The following CREM variants were observed in gnomAD, a reference collection of about 807,000 sequenced individuals.
The protein encoded by CREM is cAMP-responsive element modulator.
CREM carries 13 observed loss-of-function variants against 37.3 expected under a neutral mutation model. The ratio of observed to expected loss-of-function variants is 0.35; its 90% CI spans 0.23 to 0.55. The LOEUF (loss-of-function observed/expected upper bound fraction) is 0.55, where lower values mean the gene tolerates loss of function less well. Among genes scored for constraint, CREM ranks in the 20% least tolerant of loss-of-function variants. The pLI, the probability that CREM is intolerant of heterozygous loss-of-function variation, is 0.88. For synonymous variants in CREM, 124 were observed against 120.2 expected (o/e 1.03, Z -0.21); for missense variants, 296 against 362.3 (o/e 0.82, Z 1.49).
chr10:35,157,424 A>G (rs2092985464), intron 3 of CREM, among the ~76,000 whole-genome samples: 1 of 152,088 alleles, frequency 6.6e-6, no homozygotes, highest in Non-Finnish European at 1.5e-5. Flanking sequence ...GGAGCCCAAG[A>G]GTTAAGAGAC....
chr10:35,201,707 C>T (rs906870190), intron 6 of CREM, among the ~76,000 whole-genome samples: 1 of 151,788 alleles, frequency 6.6e-6, no homozygotes, highest in Non-Finnish European at 1.5e-5. Context: ...AACGCCTTTG[C>T]TTTTAAAATG....
intron 3 of CREM, among the ~76,000 whole-genome samples, chr10:35,178,557 G>T (rs2094203618): frequency 6.6e-6 from 1 of 152,306 alleles, no homozygotes; most frequent in Non-Finnish European, 1.5e-5. Flanking sequence ...GCACTTTCAG[G>T]TTGAGGAGCT....
At chr10:35,191,874 G>T (rs2094932070) in intron 6 of CREM, among the ~76,000 whole-genome samples, 1 of 152,148 alleles carries the variant, frequency 6.6e-6, no homozygotes, top group Non-Finnish European at 1.5e-5. Flanking sequence ...TTCCTTAGAT[G>T]GCCACACATA....
rs897884060 is a variant in CREM, at chr10:35,158,825, T to G, written c.168+10334T>G. Among the ~76,000 whole-genome samples the G allele has an allele frequency of 5.6e-4, 83 of 148,442 alleles. 2 individuals carry two copies. The highest frequency in any genetic ancestry group is 1.5e-3 in the South Asian group (7 of 4,714). ...TTTTTTTTTGTTGTTTTGTTTGTTT[T>G]TTTTTTTTTTTTACAGACTTAGAAC... On this transcript the variant is annotated intron_variant, in intron 3 of 7. Transcript: ENST00000685392.
intron 5 of CREM, among the ~76,000 whole-genome samples, chr10:35,186,702 CAT>C (rs1253892639): frequency 7.5e-6 from 1 of 133,924 alleles, no homozygotes; most frequent in African/African-American, 2.8e-5. Flanking sequence ...AAATTTTGGT[CAT>C]ATATACAACA....
chr10:35,135,522 G>A (rs34876468), intron 1 of CREM: 44,417 of 151,826 alleles, frequency 0.29, 7,048 homozygotes, highest in South Asian at 0.35. Context: ...AAAAAAGAAA[G>A]TTGGTAGATT....
At chr10:35,175,498 A>C in intron 3 of CREM, 1 of 598,778 alleles carries the variant, frequency 1.7e-6, no homozygotes. Context: ...TGAAGAAGTT[A>C]GAGGGTAGTT....
intron 3 of CREM, among the ~76,000 whole-genome samples, chr10:35,175,071 CTG>C (rs1308261052): frequency 1.3e-5 from 2 of 152,218 alleles, no homozygotes; most frequent in Non-Finnish European, 2.9e-5. Flanking sequence ...ATAACAGTGA[CTG>C]TGATTTTTAT....
rs184303254 is a variant in CREM, at chr10:35,178,775, T to C, written c.169-114T>C. On this transcript the variant is annotated intron_variant, in intron 3 of 7. Coordinates refer to ENST00000685392, the MANE Select transcript of CREM (RefSeq NM_183011.2). The stretch of plus-strand genomic sequence containing the variant: ...GATTCACTGTGTTCTATTGCTCAGT[T>C]GCTTCCACAGCTCCTGGCTCAGTGC... 1,066 of 718,154 alleles carry C rather than the reference T, an allele frequency of 1.5e-3. 1 individual carries two copies. Among genetic ancestry groups the C allele is most frequent in the Non-Finnish European group, 2.0e-3 (856 of 438,592 alleles). The allele number at this position is 718,154 out of a possible 1,614,324, so 44.5% of individuals were successfully genotyped here.
chr10:35,137,956 A>G, intron 2 of CREM, 77 bp downstream of exon 2: 1 of 1,087,942 alleles, frequency 9.2e-7, no homozygotes. Flanking sequence ...ATTGATATAT[A>G]GATGTACACA....
At chr10:35,178,868 T>G in intron 3 of CREM, 21 bp from the exon 4 acceptor site, 1 of 1,578,564 alleles carries the variant, frequency 6.3e-7, no homozygotes. Flanking sequence ...ATGATACATT[T>G]CAGAAAATCT....
chr10:35,149,703 G>T (rs976170683), intron 3 of CREM, among the ~76,000 whole-genome samples: 9 of 151,978 alleles, frequency 5.9e-5, no homozygotes, highest in African/African-American at 9.7e-5. Flanking sequence ...GTTATATTAG[G>T]CCAGACTGGT....
At chr10:35,175,485 C>A (rs2094012566) in intron 3 of CREM, 1 of 573,924 alleles carries the variant, frequency 1.7e-6, no homozygotes, top group Non-Finnish European at 3.1e-6. Context: ...TCTCCAATTT[C>A]TCTGAAGAAG....
At chr10:35,177,259 C>T (rs2094135759) in intron 3 of CREM, among the ~76,000 whole-genome samples, 1 of 152,010 alleles carries the variant, frequency 6.6e-6, no homozygotes, top group East Asian at 1.9e-4. Context: ...CCTGTGTTTC[C>T]CAGAAGTGTA....
At chr10:35,181,015 C>T (rs1261716103) in intron 5 of CREM, among the ~76,000 whole-genome samples, 2 of 152,224 alleles carry the variant, frequency 1.3e-5, no homozygotes, top group Admixed American at 6.5e-5. Flanking sequence ...ATGCTGTCAT[C>T]GTAACATTTC....
At chr10:35,193,933 C>T (rs12218927) in intron 6 of CREM, among the ~76,000 whole-genome samples, 1 of 151,598 alleles carries the variant, frequency 6.6e-6, no homozygotes, top group Non-Finnish European at 1.5e-5. Flanking sequence ...AACCCCGTCT[C>T]TACTAAAAAT....
chr10:35,186,824 A>G (rs1231023278), intron 5 of CREM, among the ~76,000 whole-genome samples: 1 of 121,420 alleles, frequency 8.2e-6, no homozygotes, highest in East Asian at 2.3e-4. Context: ...CATAACATAT[A>G]TACATATATA....
At position 35,165,819 on chromosome 10, in the gene CREM, A is replaced by C. The variant is rs974755918; in HGVS notation, c.169-13070A>C. On this transcript the variant is annotated intron_variant, in intron 3 of 7. Coordinates refer to ENST00000685392, the MANE Select transcript of CREM (RefSeq NM_183011.2). ...CAAGATACTGTACAGATTAGCTAGA[A>C]AAAAAAAAGTTTAGCTAGGGCACTG... 9.2e-5 allele frequency among the ~76,000 whole-genome samples: 14 copies of C among 151,526 alleles called. 1 individual carries two copies. Among genetic ancestry groups the C allele is most frequent in the Admixed American group, 9.2e-4 (14 of 15,198 alleles).
rs112035657 is a variant in CREM at position 35,195,335 on chromosome 10, C to CT, written c.598+6954dup. The stretch of plus-strand genomic sequence containing the variant: ...CTCTCCTAGTCACTTAGGTGTAAGA[C>CT]TTTTTTTGAAATATACATCTATATA... On this transcript the variant is annotated intron_variant, in intron 6 of 7. Transcript: ENST00000685392. The CT allele has an allele frequency of 1.3e-3, 1,445 of 1,113,966 alleles. 19 individuals carry two copies. The African/African-American group carries it at 0.02, about 15-fold the overall frequency. The allele number at this position is 1,113,966 out of a possible 1,614,324, so 69.0% of individuals were successfully genotyped here. A position where few individuals can be genotyped will look rare whatever the true frequency, so the allele number is the denominator to read the frequency against.
Sources: gnomAD v4.1 joint callset for allele counts (sites outside exome capture counted in the v4.1 genomes callset) on GRCh38, gnomAD v4.1.1 for gene constraint, MANE v1.5 for transcripts, NCBI Gene and HGNC (gene_info 2026-07-23, HGNC 2026-07-21) for gene names.